The following MCCC1 variants were observed in gnomAD, a reference collection of about 807,000 sequenced individuals.
MCCC1 encodes the protein methylcrotonyl-CoA carboxylase subunit 1.
Under a neutral mutation model 83.8 loss-of-function variants are expected in MCCC1, and 64 were observed. The ratio of observed to expected loss-of-function variants is 0.76; its 90% CI spans 0.62 to 0.94. The LOEUF (loss-of-function observed/expected upper bound fraction) is 0.94, where lower values mean the gene tolerates loss of function less well. MCCC1 is among the 40% of genes least tolerant of loss of function. The probability of loss-of-function intolerance (pLI) is 0.00; values close to 1 mark genes in which losing one functional copy is unlikely to be tolerated. For missense variants in MCCC1, 807 were observed against 904.7 expected (o/e 0.89, Z 1.39); for synonymous variants, 322 against 315.4 (o/e 1.02, Z -0.22).
rs535721109 is a variant in MCCC1, at chr3:183,098,829, T to A, written c.89+523A>T. On this transcript the variant is annotated intron_variant, in intron 1 of 18. Transcript: ENST00000265594. ...CATTTGCTCTTCTTGACAACTTCAC[T>A]CTTCTAACAATGAGAAGGAACTCCA... 2.4e-5 allele frequency: 4 copies of A among 165,372 alleles called. No individual in the cohort carries two copies. In the South Asian group the frequency reaches 6.0e-4, roughly 25 times the overall value. 10.2% of individuals were successfully genotyped at this position (165,372 alleles called of 1,614,324 possible).
chr3:183,094,189 C>T (rs1033549823), intron 2 of MCCC1, among the ~76,000 whole-genome samples: 1 of 151,774 alleles, frequency 6.6e-6, no homozygotes, highest in African/African-American at 2.4e-5. Flanking sequence ...TCTGGGATTA[C>T]AGGCACCCGC....
intron 4 of MCCC1, among the ~76,000 whole-genome samples, chr3:183,073,293 A>T (rs1311414537): frequency 3.9e-4 from 60 of 152,218 alleles, no homozygotes; most frequent in African/African-American, 2.4e-5. Flanking sequence ...AAAGGGCTTC[A>T]GAGTGGTAAG....
chr3:183,114,163 G>T (rs971217155), intron 1 of MCCC1, among the ~76,000 whole-genome samples: 1 of 152,082 alleles, frequency 6.6e-6, no homozygotes, highest in Non-Finnish European at 1.5e-5. Flanking sequence ...GATTGATAAC[G>T]CCCAAAGCCC....
At chr3:183,107,592 G>A (rs1170491867) in intron 1 of MCCC1, among the ~76,000 whole-genome samples, 1 of 151,568 alleles carries the variant, frequency 6.6e-6, no homozygotes, top group East Asian at 1.9e-4. Context: ...ACCCAGGCTG[G>A]AGTGCAGTGG....
chr3:183,053,043 T>C (rs1715110102), intron 8 of MCCC1, among the ~76,000 whole-genome samples: 1 of 152,160 alleles, frequency 6.6e-6, no homozygotes, highest in South Asian at 2.1e-4. Flanking sequence ...GACAGCTCCA[T>C]AGATGTTATT....
Position 183,045,403 on chromosome 3 carries a change from A to T in MCCC1, c.1083+10T>A, listed in dbSNP as rs374971501. 62 of 1,613,684 alleles carry T rather than the reference A, an allele frequency of 3.8e-5. No homozygotes were observed. The highest frequency in any genetic ancestry group is 5.3e-5 in the Non-Finnish European group (62 of 1,179,848). On this transcript the variant is annotated intron_variant, in intron 10 of 18. Transcript: ENST00000265594. ...CCAAGGCTGATTTTTAATAGAAAAA[A>T]TATTCTCACTCTAAGCTGCCACTCC...
rs3732604 is a variant in MCCC1, at chr3:183,092,356, T to G, written c.273+53A>C. ...CTGTCATCATAAAGAACGAAAATAC[T>G]GACACAGTAAACGAATAAACGTAAG... On this transcript the variant is annotated intron_variant, in intron 3 of 18. Transcript: ENST00000265594. 0.63 allele frequency: 1,008,401 copies of G among 1,610,570 alleles called. 330,682 individuals are homozygous for G. The highest frequency in any genetic ancestry group is 0.68 in the Non-Finnish European group (796,237 of 1,178,050).
upstream of MCCC1, among the ~76,000 whole-genome samples, chr3:183,103,514 C>T (rs1298326978): frequency 6.6e-6 from 1 of 152,088 alleles, no homozygotes; most frequent in Admixed American, 6.5e-5. Context: ...GTTCTCCAAG[C>T]CCCCACCAGA....
intron 1 of MCCC1, among the ~76,000 whole-genome samples, chr3:183,106,682 A>G (rs2108584533): frequency 6.6e-6 from 1 of 152,178 alleles, no homozygotes; most frequent in East Asian, 1.9e-4. Context: ...TTTTTAGTAG[A>G]GACGGAGTTT....
chr3:183,018,899 T>G (rs1180580232), intron 17 of MCCC1, among the ~76,000 whole-genome samples: 1 of 152,208 alleles, frequency 6.6e-6, no homozygotes, highest in African/African-American at 2.4e-5. Flanking sequence ...GAAAGAGATT[T>G]CTATTTTCTT....
intron 1 of MCCC1, among the ~76,000 whole-genome samples, chr3:183,106,922 C>T (rs1251580256): frequency 6.6e-6 from 1 of 152,142 alleles, no homozygotes; most frequent in Non-Finnish European, 1.5e-5. Context: ...CTTTTGGAAC[C>T]ATTTGAAAGC....
intron 14 of MCCC1, among the ~76,000 whole-genome samples, chr3:183,032,104 G>T (rs1313991133): frequency 6.6e-6 from 1 of 152,104 alleles, no homozygotes; most frequent in Non-Finnish European, 1.5e-5. Context: ...ATAGAATACT[G>T]CCAAAAGGGT....
At chr3:183,109,062 G>A (rs1224771895) in intron 1 of MCCC1, among the ~76,000 whole-genome samples, 1 of 152,078 alleles carries the variant, frequency 6.6e-6, no homozygotes, top group Non-Finnish European at 1.5e-5. Flanking sequence ...CGCGATCTCG[G>A]CTCACTACAA....
chr3:183,102,501 A>G (rs188175883), upstream of MCCC1, among the ~76,000 whole-genome samples: 201 of 152,298 alleles, frequency 1.3e-3, no homozygotes, highest in Non-Finnish European at 2.5e-3. Flanking sequence ...GAATATTAAG[A>G]GTTTAAAAGA....
At chr3:183,107,737 C>T (rs1014110503) in intron 1 of MCCC1, among the ~76,000 whole-genome samples, 18 of 151,704 alleles carry the variant, frequency 1.2e-4, no homozygotes, top group African/African-American at 2.9e-4. Flanking sequence ...TTTGTAGAAA[C>T]GGAGGTTTCA....
Position 183,041,630 on chromosome 3 carries a change from A to G in MCCC1, c.1204T>C (p.Leu402=). ...GCTCGAGGAGTAGAGAGGTGCACTA[A>G]TGGGCCTGCCACAGGCATGAAGTTA... ...SNNFMPVAGP[L]VHLSTPRADP... Residue 402 remains leucine (L), a synonymous_variant, in exon 11 of 19, where the codon TTA becomes CTA. Coordinates refer to ENST00000265594, the MANE Select transcript of MCCC1 (RefSeq NM_020166.5). 6.2e-7 allele frequency: 1 copy of G among 1,614,222 alleles called. No homozygotes were observed. The highest frequency in any genetic ancestry group is 8.5e-7 in the Non-Finnish European group (1 of 1,180,026).
intron 14 of MCCC1, among the ~76,000 whole-genome samples, chr3:183,026,996 T>A (rs1230250238): frequency 6.6e-6 from 1 of 152,270 alleles, no homozygotes; most frequent in South Asian, 2.1e-4. Flanking sequence ...GGCAACACCA[T>A]GTCAAGCATA....
chr3:183,106,951 C>T (rs1330519061), intron 1 of MCCC1, among the ~76,000 whole-genome samples: 1 of 151,308 alleles, frequency 6.6e-6, no homozygotes, highest in African/African-American at 2.4e-5. Flanking sequence ...GACATGATGC[C>T]TTTTTTTTTA....
At chr3:183,063,543 G>A (rs1716010787) in intron 7 of MCCC1, among the ~76,000 whole-genome samples, 1 of 152,262 alleles carries the variant, frequency 6.6e-6, no homozygotes, top group South Asian at 2.1e-4. Flanking sequence ...TACACAGTAT[G>A]ATTATCAGGA....
Sources: gnomAD v4.1 joint callset for allele counts (sites outside exome capture counted in the v4.1 genomes callset) on GRCh38, gnomAD v4.1.1 for gene constraint, MANE v1.5 for transcripts, NCBI Gene and HGNC (gene_info 2026-07-23, HGNC 2026-07-21) for gene names.